JMJD1C: variants seen among roughly 807,000 people sequenced by gnomAD.
The protein encoded by JMJD1C is jumonji domain-containing protein 1C.
In JMJD1C, 31 loss-of-function variants were observed where a neutral mutation model predicts 245.3. The observed-to-expected ratio is 0.13, with a 90% confidence interval of 0.09 to 0.17. The LOEUF is 0.17. JMJD1C is among the 10% of genes least tolerant of loss of function. JMJD1C has a pLI of 1.00. For synonymous variants in JMJD1C, 1,057 were observed against 1,017.4 expected, an observed-to-expected ratio of 1.04 and a Z score of -0.74; for missense variants, 2,691 against 3,000.2, an observed-to-expected ratio of 0.90 and a Z score of 2.41.
At chr10:63,308,686 T>C (rs775699464) in intron 2 of JMJD1C, among the ~76,000 whole-genome samples, 19 of 49,856 alleles carry the variant, frequency 3.8e-4, no homozygotes, top group Non-Finnish European at 7.6e-4. Context: ...ATGAGAGAAA[T>C]AGAAATAGGA....
In JMJD1C at chr10:63,205,232, TGTTAATTTTTACCTATTGTTAA is replaced by T. The variant is rs1846458099; in HGVS notation, c.5074+1341_5074+1362del. On this transcript the variant is annotated intron_variant, in intron 10 of 25. Coordinates refer to ENST00000399262, the MANE Select transcript of JMJD1C (RefSeq NM_032776.3). ...ACACAAAACCACAAGCCTCCCCTTATGTTAATTTTTACCTATTGTTAAGGACTGTTTGAATGAGCAGCATTAA... is the reference window on the plus strand; with the variant it reads ...ACACAAAACCACAAGCCTCCCCTTATGGACTGTTTGAATGAGCAGCATTAA... Among the ~76,000 whole-genome samples the T allele has an allele frequency of 1.3e-5, 2 of 152,236 alleles. 1 individual carries two copies. The highest frequency in any genetic ancestry group is 4.1e-4 in the South Asian group (2 of 4,836).
chr10:63,508,672 T>C (rs1026641177), intron 1 of JMJD1C, among the ~76,000 whole-genome samples: 1 of 152,248 alleles, frequency 6.6e-6, no homozygotes, highest in Non-Finnish European at 1.5e-5. Context: ...TTTGTAGGTT[T>C]CTTTACATAG....
intron 3 of JMJD1C, among the ~76,000 whole-genome samples, chr10:63,252,776 A>G (rs1853278089): frequency 6.6e-6 from 1 of 152,222 alleles, no homozygotes; most frequent in African/African-American, 2.4e-5. Flanking sequence ...AGCTGATTCT[A>G]TACTACAAAA....
intron 3 of JMJD1C, among the ~76,000 whole-genome samples, chr10:63,248,045 T>G (rs1206331648): frequency 6.6e-6 from 1 of 152,108 alleles, no homozygotes; most frequent in Non-Finnish European, 1.5e-5. Context: ...CTGGCCAACA[T>G]GGTGAAACCC....
intron 1 of JMJD1C, among the ~76,000 whole-genome samples, chr10:63,404,751 T>C (rs375754910): frequency 6.6e-6 from 1 of 152,078 alleles, no homozygotes; most frequent in Non-Finnish European, 1.5e-5. Flanking sequence ...GGTGACAACA[T>C]AGTAATTAGG....
chr10:63,492,511 C>T lies in JMJD1C; in HGVS notation n.113+29227G>A, dbSNP rs931521886. 2.0e-5 allele frequency among the ~76,000 whole-genome samples: 3 copies of T among 151,814 alleles called. No individual in the cohort carries two copies. The South Asian group carries it at 6.2e-4, about 32-fold the overall frequency. ...CAAAACCCTGTCTCTAATAAAAATA[C>T]AAAAATTAGCTGGGCGTGGTGGCGT... is the stretch of plus-strand genomic sequence containing the variant. On this transcript the variant is annotated intron_variant and non_coding_transcript_variant, in intron 1 of 3. Coordinates refer to the JMJD1C transcript ENST00000633035.
chr10:63,303,331 A>G (rs1214363394), intron 2 of JMJD1C, among the ~76,000 whole-genome samples: 3 of 152,120 alleles, frequency 2.0e-5, no homozygotes, highest in Non-Finnish European at 2.9e-5. Context: ...GTTCAGACGG[A>G]GTCTCGCTCT....
In JMJD1C at chr10:63,185,634, A is replaced by G; in HGVS notation, c.6759T>C (p.Ser2253=). 6.2e-7 allele frequency: 1 copy of G among 1,601,180 alleles called. No individual in the cohort carries two copies. The highest frequency in any genetic ancestry group is 8.6e-7 in the Non-Finnish European group (1 of 1,168,320). The part of the protein sequence containing the change: ...EEVSKRQKNK[S]GETVVLKLKD... ...TCAATTTTAAAACAACTGTTTCTCC[A>G]CTCTTGTTTTTCTGCCGTTCTATAA... The change falls in exon 20 of 26, where the codon AGT becomes AGC. Residue 2253 remains serine (S), a synonymous_variant. Transcript: ENST00000399262.
intron 22 of JMJD1C, 52 bp from the exon 23 acceptor site, chr10:63,177,908 C>T: frequency 2.5e-6 from 4 of 1,581,768 alleles, no homozygotes; most frequent in Non-Finnish European, 3.4e-6. Context: ...ACCAGAAAGC[C>T]AAGTCTCCTA....
At chr10:63,469,894 T>C (rs1038846053), upstream of JMJD1C, among the ~76,000 whole-genome samples, 2 of 152,240 alleles carry the variant, frequency 1.3e-5, no homozygotes, top group East Asian at 1.9e-4. Flanking sequence ...TATAAATTTA[T>C]GTTACCATTT....
intron 2 of JMJD1C, among the ~76,000 whole-genome samples, chr10:63,298,872 A>G (rs1564751803): frequency 6.6e-6 from 1 of 152,014 alleles, no homozygotes. Context: ...AGCTGAGAAT[A>G]CAGGTGCCCA....
intron 1 of JMJD1C, among the ~76,000 whole-genome samples, chr10:63,419,089 A>AAAG (rs1263828694): frequency 1.3e-5 from 2 of 151,264 alleles, no homozygotes; most frequent in Admixed American, 1.3e-4. Flanking sequence ...AAAAAAAAAA[A>AAAG]AAAATCTAGA....
At chr10:63,374,356 C>A (rs1227577997) in intron 2 of JMJD1C, among the ~76,000 whole-genome samples, 2 of 152,174 alleles carry the variant, frequency 1.3e-5, no homozygotes, top group Non-Finnish European at 2.9e-5. Context: ...TTCAATGCTG[C>A]ATCCCCTTAG....
intron 2 of JMJD1C, among the ~76,000 whole-genome samples, chr10:63,377,820 C>T (rs1347054787): frequency 6.6e-6 from 1 of 151,528 alleles, no homozygotes; most frequent in Non-Finnish European, 1.5e-5. Context: ...CTTTTTTGAG[C>T]CCAGGAGTTC....
chr10:63,521,842 G>T (rs1589851753), exon 1 of JMJD1C: 1 of 65,974 alleles, frequency 1.5e-5, no homozygotes, highest in South Asian at 7.0e-4. Context: ...GGCTGCGTGC[G>T]GTGCGGCGCG....
intron 2 of JMJD1C, among the ~76,000 whole-genome samples, chr10:63,294,302 T>C (rs1299276723): frequency 1.3e-5 from 2 of 152,030 alleles, no homozygotes; most frequent in African/African-American, 4.8e-5. Flanking sequence ...TTTTAATTTT[T>C]TGAGACAGAG....
At chr10:63,378,704 T>C (rs1027956747) in intron 2 of JMJD1C, among the ~76,000 whole-genome samples, 1 of 152,230 alleles carries the variant, frequency 6.6e-6, no homozygotes, top group Admixed American at 6.5e-5. Context: ...TTGAGAATTC[T>C]CATATAAAAT....
intron 10 of JMJD1C, among the ~76,000 whole-genome samples, chr10:63,201,250 C>T (rs1845970011): frequency 6.6e-6 from 1 of 152,038 alleles, no homozygotes; most frequent in Admixed American, 6.6e-5. Context: ...GCTATTTCTC[C>T]TAACATCTTT....
intron 1 of JMJD1C, among the ~76,000 whole-genome samples, chr10:63,404,576 T>C (rs911887675): frequency 6.6e-6 from 1 of 151,872 alleles, no homozygotes; most frequent in African/African-American, 2.4e-5. Context: ...GATTTTAACA[T>C]GAAGAAGTAA....
Sources: allele counts gnomAD v4.1 joint callset (sites outside exome capture counted in the v4.1 genomes callset), GRCh38; gene constraint gnomAD v4.1.1; transcripts MANE v1.5; gene names NCBI Gene and HGNC (gene_info 2026-07-23, HGNC 2026-07-21).